EFCAB5: variants seen among roughly 807,000 people sequenced by gnomAD.
EFCAB5 encodes EF-hand calcium-binding domain-containing protein 5.
Under a neutral mutation model 167.9 loss-of-function variants are expected in EFCAB5, and 131 were observed. That is an observed-to-expected ratio of 0.78 (90% CI 0.68 to 0.90). The LOEUF (loss-of-function observed/expected upper bound fraction) is 0.90. EFCAB5 is among the 40% of genes least tolerant of loss of function. The pLI is 0.00. For synonymous variants in EFCAB5, 574 were observed against 602.8 expected (o/e 0.95, Z 0.70); for missense variants, 1,663 against 1,745.2 (o/e 0.95, Z 0.84).
At chr17:29,940,469 G>A (rs112832168), upstream of EFCAB5, among the ~76,000 whole-genome samples, 140 of 152,274 alleles carry the variant, frequency 9.2e-4, 2 homozygotes, top group Middle Eastern at 3.4e-3. Context: ...GTCTTATTGA[G>A]TTGAATTTAT....
rs9891432 is a variant in EFCAB5 at position 29,969,517 on chromosome 17, C to T, written c.767+150C>T. ...TTGAGCTACTAGTATGTGCTTCACT[C>T]TTTTTGAGGCACTGTGAAGACTAAC... On this transcript the variant is annotated intron_variant, in intron 4 of 22. Transcript: ENST00000394835. 1,324 of 680,804 alleles carry T rather than the reference C, an allele frequency of 1.9e-3. 6 individuals are homozygous for T. The African/African-American group carries it at 0.022, about 11-fold the overall frequency. The allele number at this position is 680,804 out of a possible 1,614,324, so 42.2% of individuals were successfully genotyped here.
In EFCAB5 at chr17:29,943,566, C is replaced by A; in HGVS notation, c.107C>A (p.Thr36Asn). 10 of 1,574,374 alleles carry A rather than the reference C, an allele frequency of 6.4e-6. No individual in the cohort carries two copies. The highest frequency in any genetic ancestry group is 8.6e-6 in the Non-Finnish European group (10 of 1,159,182). The change falls in exon 3 of 23, where the codon ACC (threonine) becomes AAC (asparagine). Residue 36 changes from threonine (T) to asparagine (N), a missense_variant and splice_region_variant. Physicochemically the swap from Thr to Asn is moderately conservative, Grantham distance 65. Coordinates refer to ENST00000394835, the MANE Select transcript of EFCAB5 (RefSeq NM_198529.4). ...GTGATTTTTTTCCTCTTTTCAAAGACCTTACAGAGTGTGCCAGACGTTCCT... is the reference window on the plus strand; with the variant it reads ...GTGATTTTTTTCCTCTTTTCAAAGAACTTACAGAGTGTGCCAGACGTTCCT... ...NLTEVKELHE[T>N]LQSVPDVPVK...
At chr17:29,966,783 C>T (rs945564624) in intron 3 of EFCAB5, among the ~76,000 whole-genome samples, 2 of 152,064 alleles carry the variant, frequency 1.3e-5, no homozygotes, top group African/African-American at 4.8e-5. Context: ...GGAGTATCTA[C>T]ATAAATTATT....
intron 3 of EFCAB5, among the ~76,000 whole-genome samples, chr17:29,957,728 A>G (rs2067645632): frequency 6.6e-6 from 1 of 152,156 alleles, no homozygotes; most frequent in Non-Finnish European, 1.5e-5. Flanking sequence ...CCATTCTATC[A>G]TTGATGAGTA....
chr17:29,932,411 A>C (rs2067208782), intron 1 of EFCAB5, among the ~76,000 whole-genome samples: 1 of 149,738 alleles, frequency 6.7e-6, no homozygotes, highest in Non-Finnish European at 1.5e-5. Flanking sequence ...TCGGCCTCCC[A>C]AAGTGCTAGG....
At chr17:29,988,217 G>T (rs942859378) in intron 4 of EFCAB5, among the ~76,000 whole-genome samples, 2 of 152,198 alleles carry the variant, frequency 1.3e-5, no homozygotes, top group Non-Finnish European at 2.9e-5. Flanking sequence ...AGGTGTATGA[G>T]CCCTAATGTG....
intron 19 of EFCAB5, 116 bp downstream of exon 19, chr17:30,087,282 TTTTAA>T (rs1363780869): frequency 9.5e-6 from 7 of 737,372 alleles, no homozygotes; most frequent in African/African-American, 3.6e-5. Context: ...TATTCTTTCT[TTTTAA>T]TTTAATTTTA....
rs2070884699 is a variant in EFCAB5, at chr17:30,077,176, T to C, written c.2738-1039T>C. 2.6e-5 allele frequency among the ~76,000 whole-genome samples: 4 copies of C among 152,110 alleles called. No homozygotes were observed. The East Asian group carries it at 7.7e-4, about 29-fold the overall frequency. ...AATTAGCCAGGCATAGTGGTGCACA[T>C]CTGTAATCCCAGCTACTTGGGAGGC... On this transcript the variant is annotated intron_variant, in intron 14 of 22. Transcript: ENST00000394835.
At chr17:30,064,447 G>C (rs188803295) in intron 14 of EFCAB5, among the ~76,000 whole-genome samples, 1 of 152,016 alleles carries the variant, frequency 6.6e-6, no homozygotes, top group African/African-American at 2.4e-5. Context: ...CTTGAAGATA[G>C]GCCATTTAAA....
At chr17:30,005,191 G>A (rs917279906) in intron 7 of EFCAB5, among the ~76,000 whole-genome samples, 12 of 152,154 alleles carry the variant, frequency 7.9e-5, no homozygotes, top group South Asian at 4.2e-4. Context: ...TCAAGGCACC[G>A]TCTTATCACC....
intron 14 of EFCAB5, chr17:30,073,571 C>T (rs2070799594): frequency 1.6e-6 from 1 of 619,476 alleles, no homozygotes; most frequent in Non-Finnish European, 3.0e-6. Context: ...ACATTTCTCC[C>T]TAAATACCTC....
intron 14 of EFCAB5, among the ~76,000 whole-genome samples, chr17:30,062,191 C>T (rs1327490530): frequency 6.6e-6 from 1 of 152,046 alleles, no homozygotes; most frequent in African/African-American, 2.4e-5. Flanking sequence ...GGCCTGTTTC[C>T]CTCACAAAGA....
chr17:30,026,655 A>C (rs1460597314), intron 7 of EFCAB5, among the ~76,000 whole-genome samples: 1 of 152,204 alleles, frequency 6.6e-6, no homozygotes, highest in Non-Finnish European at 1.5e-5. Context: ...AACAAGGTCC[A>C]TACAGAATTC....
chr17:29,961,983 A>G (rs1278912925), intron 3 of EFCAB5, among the ~76,000 whole-genome samples: 2 of 152,260 alleles, frequency 1.3e-5, no homozygotes, highest in Non-Finnish European at 2.9e-5. Flanking sequence ...CACCCTTGTC[A>G]CAAATCAATT....
chr17:30,035,825 T>C (rs2069599718), intron 8 of EFCAB5, among the ~76,000 whole-genome samples: 1 of 152,000 alleles, frequency 6.6e-6, no homozygotes, highest in African/African-American at 2.4e-5. Context: ...GGTCAAGTGA[T>C]CTTCTCATAT....
In EFCAB5 at chr17:30,107,869, G is replaced by A. The variant is rs890998172; in HGVS notation, c.4357G>A (p.Val1453Ile). The part of the protein sequence containing the change: ...SRTEVWKFGN[V>I]VIEHLYHWIH... ...AACTGAAGTATGGAAATTTGGTAAT[G>A]TTGTCATTGAACATCTATACCACTG... The change falls in exon 23 of 23, where the codon GTT (valine) becomes ATT (isoleucine). Residue 1453 changes from valine to isoleucine, a missense_variant. By Grantham distance (29) the Val-to-Ile change is conservative. Coordinates refer to ENST00000394835, the MANE Select transcript of EFCAB5 (RefSeq NM_198529.4). 2.5e-6 allele frequency: 4 copies of A among 1,579,890 alleles called. No homozygotes were observed. The highest frequency in any genetic ancestry group is 2.6e-6 in the Non-Finnish European group (3 of 1,169,002).
intron 3 of EFCAB5, among the ~76,000 whole-genome samples, chr17:29,952,724 GT>G (rs1757099374): frequency 6.6e-6 from 1 of 152,034 alleles, no homozygotes; most frequent in South Asian, 2.1e-4. Context: ...ATAAAAATAA[GT>G]GCATGGAAAT....
chr17:30,090,045 G>A (rs1047095351), intron 19 of EFCAB5, among the ~76,000 whole-genome samples: 3 of 152,124 alleles, frequency 2.0e-5, no homozygotes, highest in Non-Finnish European at 4.4e-5. Flanking sequence ...TAGGGAACCC[G>A]ACCTAACACA....
rs373615419 is a variant in EFCAB5, at chr17:30,053,740, C to A, written c.1786C>A (p.Gln596Lys). 12 of 1,613,928 alleles carry A rather than the reference C, an allele frequency of 7.4e-6. No individual in the cohort carries two copies. The East Asian group carries it at 1.1e-4, about 15-fold the overall frequency. Residue 596 changes from glutamine (Q) to lysine (K), a missense_variant, in exon 10 of 23, where the codon CAA becomes AAA. Coordinates refer to ENST00000394835, the MANE Select transcript of EFCAB5 (RefSeq NM_198529.4). ...QGPRRVSVSE[Q>K]GSSRESVAEQ... ...ACCACGCAGAGTGTCAGTTTCAGAA[C>A]AAGGATCAAGCAGAGAGTCAGTTGC...
Sources: allele counts gnomAD v4.1 joint callset (sites outside exome capture counted in the v4.1 genomes callset), GRCh38; gene constraint gnomAD v4.1.1; transcripts MANE v1.5; gene names NCBI Gene and HGNC (gene_info 2026-07-23, HGNC 2026-07-21).